APC: variants seen among roughly 807,000 people sequenced by gnomAD.
The protein encoded by APC is adenomatous polyposis coli protein.
A neutral mutation model predicts 247.0 loss-of-function variants in APC; 72 were observed. The ratio of observed to expected loss-of-function variants is 0.29; its 90% CI spans 0.24 to 0.35. The LOEUF (loss-of-function observed/expected upper bound fraction) is 0.35, where lower values mean the gene tolerates loss of function less well. APC is among the 10% of genes least tolerant of loss of function. The probability of loss-of-function intolerance (pLI) is 1.00; values close to 1 mark genes in which losing one functional copy is unlikely to be tolerated. For synonymous variants in APC, 1,254 were observed against 1,162.5 expected, an observed-to-expected ratio of 1.08 and a Z score of -1.60; for missense variants, 3,400 against 3,360.7, an observed-to-expected ratio of 1.01 and a Z score of -0.29.
At position 112,842,075 on chromosome 5, in the gene APC, A is replaced by G. The variant is rs1162723112; in HGVS notation, c.6481A>G (p.Ser2161Gly). The G allele has an allele frequency of 2.5e-6, 4 of 1,611,998 alleles. No individual in the cohort carries two copies. The highest frequency in any genetic ancestry group is 3.4e-6 in the Non-Finnish European group (4 of 1,178,130). The change falls in exon 16 of 16, where the codon AGT becomes GGT. Residue 2161 changes from serine (S) to glycine (G), a missense_variant. Physicochemically the swap from Ser to Gly is moderately conservative, Grantham distance 56. Transcript: ENST00000257430. ...TGATCAAGAAGAAAAACCCTTTACA[A>G]GTAATAAAGGCCCACGAATTCTAAA... ...TPDQEEKPFT[S>G]NKGPRILKPG...
intron 13 of APC, 147 bp from the exon 14 acceptor site, chr5:112,828,709 A>G: frequency 3.3e-6 from 2 of 606,848 alleles, no homozygotes; most frequent in Admixed American, 2.7e-5. Flanking sequence ...TCAGCCTCCC[A>G]AAGTGATAGG....
In APC at chr5:112,839,078, T is replaced by C. The variant is rs1210397302; in HGVS notation, c.3484T>C (p.Tyr1162His). Residue 1162 changes from tyrosine to histidine, a missense_variant, in exon 16 of 16, where the codon TAT becomes CAT. Physicochemically the swap from Tyr to His is moderately conservative, Grantham distance 83 (BLOSUM62 2). Transcript: ENST00000257430. This position sits in a 1 kb window ranked among gnomAD's most constrained non-coding sequence, Gnocchi z 5.0. ...TGAAGAAGAAGAGAGACCAACAAAT[T>C]ATAGCATAAAATATAATGAAGAGAA... is the stretch of plus-strand genomic sequence containing the variant. ...QHEEEERPTN[Y>H]SIKYNEEKRH... The C allele has an allele frequency of 1.2e-6, 2 of 1,614,076 alleles. No homozygotes were observed. Among genetic ancestry groups the C allele is most frequent in the Middle Eastern group, 1.6e-4 (1 of 6,062 alleles).
At chr5:112,783,103 TAGAG>T (rs1193952835) in intron 6 of APC, among the ~76,000 whole-genome samples, 6 of 152,152 alleles carry the variant, frequency 3.9e-5, no homozygotes, top group African/African-American at 1.2e-4. Context: ...AGCTTTTTTT[TAGAG>T]AGAGAGATCC....
At chr5:112,831,687 T>G (rs982759316) in intron 14 of APC, among the ~76,000 whole-genome samples, 4 of 152,216 alleles carry the variant, frequency 2.6e-5, no homozygotes, top group African/African-American at 9.6e-5. Context: ...TTACCAGCAC[T>G]CTGTACTCCG....
chr5:112,827,001 A>G, intron 11 of APC, 107 bp from the exon 12 acceptor site: 8 of 1,079,844 alleles, frequency 7.4e-6, no homozygotes, highest in South Asian at 6.9e-5. Context: ...TAAACCATAT[A>G]TTCTCATTGA....
chr5:112,717,908 C>CTTTTTCTTTTTTTTTTTTT (rs1751264440), intron 1 of APC, among the ~76,000 whole-genome samples: 1 of 40,634 alleles, frequency 2.5e-5, no homozygotes, highest in Non-Finnish European at 4.5e-5. Context: ...TTTTCTTTTT[C>CTTTTTCTTTTTTTTTTTTT]TTTTTTTTTT....
In APC at chr5:112,775,362, A is replaced by G. The variant is rs1757503350; in HGVS notation, c.423-267A>G. Among the ~76,000 whole-genome samples the G allele has an allele frequency of 2.0e-5, 3 of 152,124 alleles. No homozygotes were observed. The South Asian group carries it at 6.2e-4, about 32-fold the overall frequency. Reference sequence around the variant, plus strand: ...TTATATTCTTAGACTATAAATATGAAGAAAGCCTTTGGTGAAGTGTAAGTA... The same window carrying G: ...TTATATTCTTAGACTATAAATATGAGGAAAGCCTTTGGTGAAGTGTAAGTA... On this transcript the variant is annotated intron_variant, in intron 4 of 15. Coordinates refer to ENST00000257430, the MANE Select transcript of APC (RefSeq NM_000038.6).
chr5:112,743,913 G>A lies in APC; in HGVS notation c.-19+5988G>A, dbSNP rs148941590. On this transcript the variant is annotated intron_variant, in intron 1 of 15. Transcript: ENST00000257430. Reference sequence around the variant, plus strand: ...TTGTTGGTTTTTTTCCCTCTGTTGCGCAGGCTAGAGTAGCTTCTGGGCTCA... The same window carrying A: ...TTGTTGGTTTTTTTCCCTCTGTTGCACAGGCTAGAGTAGCTTCTGGGCTCA... Among the ~76,000 whole-genome samples, 974 of 152,000 alleles carry A rather than the reference G, an allele frequency of 6.4e-3. 10 individuals are homozygous for A. The highest frequency in any genetic ancestry group is 0.011 in the Non-Finnish European group (744 of 67,956).
In APC at chr5:112,767,365, T is replaced by A. The variant is rs763487503; in HGVS notation, c.397T>A (p.Tyr133Asn). The change falls in exon 4 of 16, where the codon TAT becomes AAT. Residue 133 changes from tyrosine (Y) to asparagine (N), a missense_variant. Physicochemically the swap from Tyr to Asn is moderately radical, Grantham distance 143. Transcript: ENST00000257430. ...AAATGGAAGCAGAGAAAGTACTGGA[T>A]ATTTAGAAGAACTTGAGAAAGAGAG... The part of the protein sequence containing the change: ...FVNGSRESTG[Y>N]LEELEKERSL... 1 of 1,614,072 alleles carries A rather than the reference T, an allele frequency of 6.2e-7. No homozygotes were observed. Among genetic ancestry groups the A allele is most frequent in the Non-Finnish European group, 8.5e-7 (1 of 1,179,938 alleles).
At chr5:112,833,068 G>A (rs1764468743) in intron 14 of APC, among the ~76,000 whole-genome samples, 1 of 147,862 alleles carries the variant, frequency 6.8e-6, no homozygotes, top group Non-Finnish European at 1.5e-5. Context: ...TTGCTTTTTT[G>A]AGACAGGGTC....
chr5:112,755,706 T>C (rs1455844350), intron 2 of APC, among the ~76,000 whole-genome samples: 1 of 152,222 alleles, frequency 6.6e-6, no homozygotes, highest in Non-Finnish European at 1.5e-5. Context: ...GGGAAAATGT[T>C]CTGGTTTCAA....
rs144766994 is a variant in APC, at chr5:112,846,237, G to A, written c.*2111G>A. On this transcript the variant is annotated 3_prime_UTR_variant, in exon 16 of 16. Coordinates refer to ENST00000257430, the MANE Select transcript of APC (RefSeq NM_000038.6). ...GCTTCCATAAACAATGGAGATACATGCATATAGGTCATACTGGTTTCCTTT... is the reference window on the plus strand; with the variant it reads ...GCTTCCATAAACAATGGAGATACATACATATAGGTCATACTGGTTTCCTTT... The A allele has an allele frequency of 2.7e-4, 62 of 228,834 alleles. 1 individual carries two copies. The highest frequency in any genetic ancestry group is 1.3e-3 in the African/African-American group (58 of 45,204). 14.2% of individuals were successfully genotyped at this position (228,834 alleles called of 1,614,324 possible). A position where few individuals can be genotyped will look rare whatever the true frequency, so the allele number is the denominator to read the frequency against.
rs2149939535 is a variant in APC at position 112,841,009 on chromosome 5, C to G, written c.5415C>G (p.Phe1805Leu). 1 of 1,611,452 alleles carries G rather than the reference C, an allele frequency of 6.2e-7. No individual in the cohort carries two copies. Among genetic ancestry groups the G allele is most frequent in the Non-Finnish European group, 8.5e-7 (1 of 1,177,814 alleles). The change falls in exon 16 of 16, where the codon TTC (phenylalanine) becomes TTG (leucine). Residue 1805 changes from phenylalanine (F) to leucine (L), a missense_variant. This residue lies in a region of APC where 1,788 missense variants were observed against 1,649.5 expected (regional missense o/e 1.08). Transcript: ENST00000257430. This position sits in a 1 kb window ranked among gnomAD's most constrained non-coding sequence, Gnocchi z 4.6. ...SKNNLNAERVFSDNKDSKKQN... is the reference protein window; with the variant it reads ...SKNNLNAERVLSDNKDSKKQN... ...ATAATTTAAATGCTGAGAGAGTTTTCTCAGACAACAAAGATTCAAAGAAAC... is the reference window on the plus strand; with the variant it reads ...ATAATTTAAATGCTGAGAGAGTTTTGTCAGACAACAAAGATTCAAAGAAAC...
intron 12 of APC, 124 bp downstream of exon 12, chr5:112,827,371 C>A: frequency 9.0e-7 from 1 of 1,116,648 alleles, no homozygotes; most frequent in Non-Finnish European, 1.3e-6. Context: ...CTGATAAAAA[C>A]CTGTGCTTCA....
At chr5:112,797,846 A>G (rs957429215) in intron 7 of APC, among the ~76,000 whole-genome samples, 2 of 152,194 alleles carry the variant, frequency 1.3e-5, no homozygotes, top group Non-Finnish European at 2.9e-5. Flanking sequence ...AATATGCTCA[A>G]TCATTAAGGA....
chr5:112,845,666 A>G lies in APC; in HGVS notation c.*1540A>G, dbSNP rs929388986. 3 of 232,022 alleles carry G rather than the reference A, an allele frequency of 1.3e-5. No homozygotes were observed. The highest frequency in any genetic ancestry group is 2.6e-5 in the Non-Finnish European group (3 of 117,362). 14.4% of individuals were successfully genotyped at this position (232,022 alleles called of 1,614,324 possible). A position where few individuals can be genotyped will look rare whatever the true frequency, so the allele number is the denominator to read the frequency against. On this transcript the variant is annotated 3_prime_UTR_variant, in exon 16 of 16. Coordinates refer to ENST00000257430, the MANE Select transcript of APC (RefSeq NM_000038.6). ...TTTGTGGTAGGTACAGTTCTGGGGT[A>G]CATGTTAAGTGTCCCCTTATACAGT...
rs532938261 is a variant in APC at position 112,775,839 on chromosome 5, A to G, written c.531+102A>G. 3.9e-5 allele frequency: 26 copies of G among 664,150 alleles called. No individual in the cohort carries two copies. In the East Asian group the frequency reaches 6.4e-4, roughly 16 times the overall value. The allele number at this position is 664,150 out of a possible 1,614,324, so 41.1% of individuals were successfully genotyped here. A position where few individuals can be genotyped will look rare whatever the true frequency, so the allele number is the denominator to read the frequency against. ...ATTCAGGATAACTGAATTTATAGTT[A>G]TTTGTAAATTGCAATATGTTTTACC... On this transcript the variant is annotated intron_variant, in intron 5 of 15. Transcript: ENST00000257430.
rs878853456 is a variant in APC, at chr5:112,840,942, C to G, written c.5348C>G (p.Thr1783Ser). ...CCAGTAAAACCTATACCACAAAATACTGAATATAGGACACGTGTAAGAAAA... is the reference window on the plus strand; with the variant it reads ...CCAGTAAAACCTATACCACAAAATAGTGAATATAGGACACGTGTAAGAAAA... ...TSPVKPIPQNTEYRTRVRKNA... is the reference protein window; with the variant it reads ...TSPVKPIPQNSEYRTRVRKNA... The change falls in exon 16 of 16, where the codon ACT becomes AGT. Residue 1783 changes from threonine to serine, a missense_variant. Physicochemically the swap from Thr to Ser is moderately conservative, Grantham distance 58 (BLOSUM62 1). Transcript: ENST00000257430. The surrounding 1 kb of genome is among the most constrained non-coding windows in gnomAD (Gnocchi z 4.1). The G allele has an allele frequency of 7.4e-6, 12 of 1,613,578 alleles. No individual in the cohort carries two copies. The highest frequency in any genetic ancestry group is 1.0e-5 in the Non-Finnish European group (12 of 1,179,636).
chr5:112,758,636 C>G (rs1015595530), intron 2 of APC, among the ~76,000 whole-genome samples: 2 of 151,406 alleles, frequency 1.3e-5, no homozygotes, highest in Non-Finnish European at 1.5e-5. Flanking sequence ...CTCCCCACAA[C>G]TTTTTTTTAG....
Sources: gnomAD v4.1 joint callset for allele counts (sites outside exome capture counted in the v4.1 genomes callset) on GRCh38, gnomAD v4.1.1 for gene constraint, gnomAD v4.1.1 regional missense constraint, Gnocchi (gnomAD v3.1) non-coding constraint, MANE v1.5 for transcripts, NCBI Gene and HGNC (gene_info 2026-07-23, HGNC 2026-07-21) for gene names.